Variants in CD2AP observed in about 807,000 individuals in gnomAD.
CD2AP encodes CD2-associated protein.
A neutral mutation model predicts 85.1 loss-of-function variants in CD2AP; 46 were observed. That is an observed-to-expected ratio of 0.54 (90% CI 0.43 to 0.69). CD2AP has a LOEUF of 0.69. Among genes scored for constraint, CD2AP ranks in the 30% least tolerant of loss-of-function variants. The pLI is 0.00. For synonymous variants in CD2AP, 255 were observed against 252.9 expected (o/e 1.01, Z -0.08); for missense variants, 769 against 729.5 (o/e 1.05, Z -0.62).
intron 1 of CD2AP, among the ~76,000 whole-genome samples, chr6:47,488,487 T>C (rs1430670342): frequency 6.6e-6 from 1 of 152,136 alleles, no homozygotes; most frequent in African/African-American, 2.4e-5. Context: ...AGTACATTAT[T>C]TCATAATGTA....
intron 3 of CD2AP, among the ~76,000 whole-genome samples, chr6:47,540,706 A>G (rs1767193427): frequency 6.6e-6 from 1 of 152,328 alleles, no homozygotes; most frequent in East Asian, 1.9e-4. Flanking sequence ...GTTGGGGCTA[A>G]TGAGTAGTCC....
At chr6:47,566,404 T>G (rs1471730547) in intron 5 of CD2AP, among the ~76,000 whole-genome samples, 1 of 151,306 alleles carries the variant, frequency 6.6e-6, no homozygotes, top group African/African-American at 2.4e-5. Context: ...TGATGCTCAG[T>G]GAAACAGTGA....
intron 2 of CD2AP, among the ~76,000 whole-genome samples, chr6:47,527,745 C>T (rs983481935): frequency 2.6e-5 from 4 of 152,098 alleles, no homozygotes; most frequent in African/African-American, 9.7e-5. Context: ...AGTTGTTTGT[C>T]CCCAACCAGA....
chr6:47,533,541 T>G, intron 2 of CD2AP, 61 bp from the exon 3 acceptor site: 1 of 1,507,256 alleles, frequency 6.6e-7, no homozygotes, highest in Non-Finnish European at 9.1e-7. Flanking sequence ...ATTTTACATT[T>G]GAGGATTTAA....
At chr6:47,518,602 T>C (rs1228936030) in intron 2 of CD2AP, among the ~76,000 whole-genome samples, 1 of 152,250 alleles carries the variant, frequency 6.6e-6, no homozygotes, top group Non-Finnish European at 1.5e-5. Context: ...AAAGCTGTCA[T>C]AAACAATGAT....
chr6:47,593,922 A>ATG (rs916343938), intron 11 of CD2AP, among the ~76,000 whole-genome samples: 8 of 152,022 alleles, frequency 5.3e-5, no homozygotes, highest in South Asian at 2.1e-4. Context: ...TGTTTTATAT[A>ATG]TGTGTGTGTG....
At position 47,612,470 on chromosome 6, in the gene CD2AP, T is replaced by C; in HGVS notation, c.1815-3T>C. The C allele has an allele frequency of 1.9e-6, 3 of 1,585,842 alleles. No homozygotes were observed. Among genetic ancestry groups the C allele is most frequent in the Non-Finnish European group, 2.6e-6 (3 of 1,154,914 alleles). ...TTAACAGTAATAAGTACTTTGTTTT[T>C]AGGAAAGAACTGGAAAAACTGCGAA... is the stretch of plus-strand genomic sequence containing the variant. On this transcript the variant is annotated splice_polypyrimidine_tract_variant and splice_region_variant and intron_variant, in intron 16 of 17. Coordinates refer to ENST00000359314, the MANE Select transcript of CD2AP (RefSeq NM_012120.3).
intron 6 of CD2AP, among the ~76,000 whole-genome samples, chr6:47,575,823 G>A (rs1030818584): frequency 2.0e-5 from 3 of 152,154 alleles, no homozygotes; most frequent in African/African-American, 7.2e-5. Flanking sequence ...CATTCAGATA[G>A]CAATGAAGTA....
intron 12 of CD2AP, among the ~76,000 whole-genome samples, chr6:47,598,947 C>T (rs936807766): frequency 6.6e-6 from 1 of 150,410 alleles, no homozygotes; most frequent in African/African-American, 2.4e-5. Context: ...AAAAAAAATA[C>T]AGGAGCATTC....
chr6:47,616,082 C>CTTTTTTTTTTTTTTTTTTTTTTTTTTT (rs562350159), intron 17 of CD2AP, among the ~76,000 whole-genome samples: 1 of 63,826 alleles, frequency 1.6e-5, no homozygotes, highest in Non-Finnish European at 2.9e-5. Flanking sequence ...TGCGCCTGGC[C>CTTTTTTTTTTTTTTTTTTTTTTTTTTT]TTTTTTTTTT....
chr6:47,550,560 G>C (rs1280844436), intron 4 of CD2AP, among the ~76,000 whole-genome samples: 2 of 152,036 alleles, frequency 1.3e-5, no homozygotes, highest in Non-Finnish European at 2.9e-5. Context: ...TGAATGTGGT[G>C]AACAGGGAAC....
At chr6:47,619,819 A>G (rs2114163528) in intron 17 of CD2AP, among the ~76,000 whole-genome samples, 1 of 152,326 alleles carries the variant, frequency 6.6e-6, no homozygotes, top group East Asian at 1.9e-4. Context: ...CCCGATCATT[A>G]GTGATGTTGA....
At chr6:47,514,931 A>G (rs1240242735) in intron 2 of CD2AP, among the ~76,000 whole-genome samples, 1 of 152,138 alleles carries the variant, frequency 6.6e-6, no homozygotes, top group Non-Finnish European at 1.5e-5. Context: ...ACGCACCTGC[A>G]ATCCCAGCTA....
At chr6:47,520,730 GTTTTTTTT>G (rs35163088) in intron 2 of CD2AP, among the ~76,000 whole-genome samples, 2 of 86,362 alleles carry the variant, frequency 2.3e-5, no homozygotes, top group African/African-American at 4.4e-5. Context: ...TGGTGCTACA[GTTTTTTTT>G]TTTTTTTTTT....
chr6:47,611,214 G>A (rs1769430321), intron 16 of CD2AP, among the ~76,000 whole-genome samples: 3 of 151,194 alleles, frequency 2.0e-5, no homozygotes, highest in African/African-American at 4.8e-5. Context: ...ACATTGAGAG[G>A]AGGGAGCAGG....
rs1255263596 is a variant in CD2AP, at chr6:47,533,873, CAA to C, written c.319+120_319+121del. 366 of 1,005,488 alleles carry C rather than the reference CAA, an allele frequency of 3.6e-4. 3 individuals carry two copies. Among genetic ancestry groups the C allele is most frequent in the Admixed American group, 2.0e-4 (9 of 44,782 alleles). The allele number at this position is 1,005,488 out of a possible 1,614,324, so 62.3% of individuals were successfully genotyped here. On this transcript the variant is annotated intron_variant, in intron 3 of 17. Transcript: ENST00000359314. Reference sequence around the variant, plus strand: ...TGTAGACAACTACAGTAACTTCCTGCAAAGTCTCATGTTACTAGTTATTGCCC... The same window carrying C: ...TGTAGACAACTACAGTAACTTCCTGCAGTCTCATGTTACTAGTTATTGCCC...
intron 5 of CD2AP, among the ~76,000 whole-genome samples, chr6:47,558,841 A>G (rs1382977491): frequency 1.3e-5 from 2 of 152,204 alleles, no homozygotes; most frequent in Admixed American, 6.5e-5. Context: ...GCATCATAAA[A>G]TGAGTTACGG....
intron 4 of CD2AP, among the ~76,000 whole-genome samples, chr6:47,553,513 A>ATT (rs148273065): frequency 5.6e-4 from 62 of 110,496 alleles, no homozygotes; most frequent in African/African-American, 9.8e-4. Flanking sequence ...CACCTAGTGA[A>ATT]TTTTTTTTTT....
At chr6:47,618,268 C>T (rs1051754271) in intron 17 of CD2AP, among the ~76,000 whole-genome samples, 9 of 151,934 alleles carry the variant, frequency 5.9e-5, no homozygotes, top group African/African-American at 1.7e-4. Flanking sequence ...TGCTGTGAGC[C>T]GATATCATGC....
Sources: allele counts gnomAD v4.1 joint callset (sites outside exome capture counted in the v4.1 genomes callset), GRCh38; gene constraint gnomAD v4.1.1; transcripts MANE v1.5; gene names NCBI Gene and HGNC (gene_info 2026-07-23, HGNC 2026-07-21).